Variants in ZNF614 observed in about 807,000 individuals in gnomAD.
ZNF614 encodes zinc finger protein 614.
A neutral mutation model predicts 12.8 loss-of-function variants in ZNF614; 11 were observed. The observed-to-expected ratio is 0.86, with a 90% CI of 0.54 to 1.43. ZNF614 has a LOEUF of 1.43. Ranked by LOEUF, ZNF614 falls within the 40% of genes most tolerant of loss-of-function variation. The pLI is 0.00. For missense variants in ZNF614, 664 were observed against 708.8 expected (o/e 0.94, Z 0.72); for synonymous variants, 237 against 237.5 (o/e 1.00, Z 0.02).
intron 1 of ZNF614, among the ~76,000 whole-genome samples, chr19:52,026,292 C>A (rs2086971922): frequency 6.6e-6 from 1 of 152,222 alleles, no homozygotes; most frequent in Non-Finnish European, 1.5e-5. Context: ...TTGTTCTGTA[C>A]TAAGAGAAAT....
intron 1 of ZNF614, among the ~76,000 whole-genome samples, chr19:52,027,448 A>T (rs2086982637): frequency 6.6e-6 from 1 of 152,200 alleles, no homozygotes; most frequent in Non-Finnish European, 1.5e-5. Context: ...TGCTTGATAA[A>T]ACTGTCTTTG....
intron 2 of ZNF614, among the ~76,000 whole-genome samples, chr19:52,025,297 T>C (rs769641601): frequency 2.0e-5 from 3 of 152,074 alleles, no homozygotes. Context: ...CAACAAAGCA[T>C]GGATTCTTTC....
intron 1 of ZNF614, among the ~76,000 whole-genome samples, chr19:52,027,039 T>G (rs2086980099): frequency 6.6e-6 from 1 of 152,214 alleles, no homozygotes; most frequent in East Asian, 1.9e-4. Context: ...GCGTGGGTCC[T>G]CCGTATGCTG....
In ZNF614 at chr19:52,015,888, T is replaced by G. The variant is rs1426115670; in HGVS notation, c.1710A>C (p.Gln570His). 3 of 1,614,112 alleles carry G rather than the reference T, an allele frequency of 1.9e-6. No homozygotes were observed. Among genetic ancestry groups the G allele is most frequent in the Non-Finnish European group, 2.5e-6 (3 of 1,179,974 alleles). The change falls in exon 5 of 5, where the codon CAA (glutamine) becomes CAC (histidine). Residue 570 changes from glutamine (Q) to histidine (H), a missense_variant. Transcript: ENST00000270649. ...ACTCTCCATTACAGGAGTTTTCAAC[T>G]TGACTGATTCTACCCATTTCTCTTG... Reference protein sequence around the residue: ...MHTREMGRISQVENSCNGESQ... With the variant: ...MHTREMGRISHVENSCNGESQ...
At chr19:52,018,174 C>T (rs551537782) in intron 3 of ZNF614, 71 bp from the exon 4 acceptor site, 1 of 1,479,500 alleles carries the variant, frequency 6.8e-7, no homozygotes, top group Non-Finnish European at 9.4e-7. Flanking sequence ...AAAAATAATA[C>T]ATTCGATGAA....
At chr19:52,028,117 G>A (rs1051941528) in intron 1 of ZNF614, 125 bp downstream of exon 1, 4 of 152,482 alleles carry the variant, frequency 2.6e-5, no homozygotes, top group Admixed American at 2.6e-4. Context: ...TACAGCCAAA[G>A]GACCCGTCAT....
rs1204576927 is a variant in ZNF614 at position 52,017,172 on chromosome 19, A to C, written c.426T>G (p.Ser142Arg). ...CATGTCTTCTCTTCTGGTTGATTAAACTTAAACTTGATTTCAAATTTTTTC... is the reference window on the plus strand; with the variant it reads ...CATGTCTTCTCTTCTGGTTGATTAACCTTAAACTTGATTTCAAATTTTTTC... ...LYRKNLKSSL[S>R]LINQKRRHGI... The change falls in exon 5 of 5, where the codon AGT (serine) becomes AGG (arginine). Residue 142 changes from serine (S) to arginine (R), a missense_variant. By Grantham distance (110) the Ser-to-Arg change is moderately radical (BLOSUM62 -1). Transcript: ENST00000270649. 5 of 1,614,074 alleles carry C rather than the reference A, an allele frequency of 3.1e-6. No individual in the cohort carries two copies. Among genetic ancestry groups the C allele is most frequent in the Admixed American group, 3.3e-5 (2 of 60,008 alleles).
rs764943767 is a variant in ZNF614 at position 52,015,920 on chromosome 19, T to C, written c.1678A>G (p.Met560Val). The change falls in exon 5 of 5, where the codon ATG becomes GTG. Residue 560 changes from methionine to valine, a missense_variant. Coordinates refer to ENST00000270649, the MANE Select transcript of ZNF614 (RefSeq NM_025040.4). ...ATTCTACCCATTTCTCTTGTGTGCATTTTCTTATGTTTGACAAGGTTTGAT... is the reference window on the plus strand; with the variant it reads ...ATTCTACCCATTTCTCTTGTGTGCACTTTCTTATGTTTGACAAGGTTTGAT... The part of the protein sequence containing the change: ...HLSNLVKHKK[M>V]HTREMGRISQ... 8.5e-5 allele frequency: 137 copies of C among 1,614,086 alleles called. No homozygotes were observed. The highest frequency in any genetic ancestry group is 1.1e-4 in the Non-Finnish European group (134 of 1,180,026).
At position 52,016,614 on chromosome 19, in the gene ZNF614, G is replaced by A; in HGVS notation, c.984C>T (p.Ser328=). The A allele has an allele frequency of 6.2e-7, 1 of 1,614,166 alleles. No individual in the cohort carries two copies. Among genetic ancestry groups the A allele is most frequent in the Non-Finnish European group, 8.5e-7 (1 of 1,180,030 alleles). The change falls in exon 5 of 5, where the codon AGC becomes AGT. Residue 328 remains serine (S), a synonymous_variant. Coordinates refer to ENST00000270649, the MANE Select transcript of ZNF614 (RefSeq NM_025040.4). ...KECGKGFTVK[S]NLIVHQRTHT... is the part of the protein sequence containing the mutation. ...GAGTTCGCTGATGTACAATGAGATT[G>A]CTCTTCACAGTGAAACCTTTTCCAC...
chr19:52,022,762 G>A (rs974481593), intron 2 of ZNF614, among the ~76,000 whole-genome samples: 2 of 151,972 alleles, frequency 1.3e-5, no homozygotes, highest in Non-Finnish European at 2.9e-5. Flanking sequence ...TTTACCTATG[G>A]TACCTAGTTA....
intron 2 of ZNF614, among the ~76,000 whole-genome samples, chr19:52,022,487 T>G (rs568135804): frequency 6.6e-6 from 1 of 152,148 alleles, no homozygotes; most frequent in African/African-American, 2.4e-5. Flanking sequence ...ACCCTCCAAG[T>G]GTGAAGTGAC....
In ZNF614 at chr19:52,016,524, A is replaced by G; in HGVS notation, c.1074T>C (p.Leu358=). The G allele has an allele frequency of 6.2e-7, 1 of 1,612,984 alleles. No individual in the cohort carries two copies. Among genetic ancestry groups the G allele is most frequent in the Non-Finnish European group, 8.5e-7 (1 of 1,179,662 alleles). ...CAGTATGAGTTCGCTGATGTACAAC[A>G]AGATAGCGCTTCATGGTGAAGCCTT... is the stretch of plus-strand genomic sequence containing the variant. ...CGKGFTMKRY[L]VVHQRTHTGE... Residue 358 remains leucine, a synonymous_variant, in exon 5 of 5, where the codon CTT becomes CTC. Coordinates refer to ENST00000270649, the MANE Select transcript of ZNF614 (RefSeq NM_025040.4).
rs143492111 is a variant in ZNF614 at position 52,025,695 on chromosome 19, C to T, written c.15+36G>A. 3.2e-5 allele frequency: 52 copies of T among 1,612,758 alleles called. No individual in the cohort carries two copies. The African/African-American group carries it at 5.7e-4, about 18-fold the overall frequency. On this transcript the variant is annotated intron_variant, in intron 2 of 4. Transcript: ENST00000270649. Reference sequence around the variant, plus strand: ...AGTTCAACTGACTTCTTCAGGCCACCATAAATCTATCAAAAAATCAAAGGG... The same window carrying T: ...AGTTCAACTGACTTCTTCAGGCCACTATAAATCTATCAAAAAATCAAAGGG...
Position 52,016,175 on chromosome 19 carries a change from T to C in ZNF614, c.1423A>G (p.Arg475Gly). 1 of 1,614,224 alleles carries C rather than the reference T, an allele frequency of 6.2e-7. No homozygotes were observed. The highest frequency in any genetic ancestry group is 8.5e-7 in the Non-Finnish European group (1 of 1,180,050). ...AAGGGAGTCTTTCCTGTATGACATC[T>C]CTCATGTTGTATGAGGCATATTTTC... ...SQKICLIQHERCHTGKTPFVC... is the reference protein window; with the variant it reads ...SQKICLIQHEGCHTGKTPFVC... Residue 475 changes from arginine to glycine, a missense_variant, in exon 5 of 5, where the codon AGA becomes GGA. Transcript: ENST00000270649.
At position 52,016,565 on chromosome 19, in the gene ZNF614, A is replaced by G; in HGVS notation, c.1033T>C (p.Cys345Arg). 2 of 1,614,142 alleles carry G rather than the reference A, an allele frequency of 1.2e-6. No homozygotes were observed. Among genetic ancestry groups the G allele is most frequent in the Non-Finnish European group, 1.7e-6 (2 of 1,179,972 alleles). ...RTHTGEKPYI[C>R]SECGKGFTMK... ...GTGAAGCCTTTTCCACATTCACTGC[A>G]TATATAGGGTTTCTCCCCTGTATGA... is the stretch of plus-strand genomic sequence containing the variant. The change falls in exon 5 of 5, where the codon TGC (cysteine) becomes CGC (arginine). Residue 345 changes from cysteine to arginine, a missense_variant. Transcript: ENST00000270649.
rs1275002115 is a variant in ZNF614 at position 52,016,418 on chromosome 19, T to C, written c.1180A>G (p.Thr394Ala). 6 of 1,614,092 alleles carry C rather than the reference T, an allele frequency of 3.7e-6. No homozygotes were observed. Among genetic ancestry groups the C allele is most frequent in the African/African-American group, 2.7e-5 (2 of 74,934 alleles). ...SNLIVHQRSH[T>A]GEKSYICSEC... ...CTGCATATGTAAGATTTTTCTCCTG[T>C]GTGGGAGCGCTGATGTACAATGAGA... Residue 394 changes from threonine (T) to alanine (A), a missense_variant, in exon 5 of 5, where the codon ACA becomes GCA. Thr to Ala is a moderately conservative substitution (Grantham distance 58). Coordinates refer to ENST00000270649, the MANE Select transcript of ZNF614 (RefSeq NM_025040.4).
intron 2 of ZNF614, among the ~76,000 whole-genome samples, chr19:52,023,003 C>T (rs1224226029): frequency 6.7e-6 from 1 of 149,440 alleles, no homozygotes; most frequent in African/African-American, 2.5e-5. Context: ...TGGCATGAAT[C>T]CGGAGGCGGA....
At chr19:52,018,623 G>A in intron 2 of ZNF614, 129 bp from the exon 3 acceptor site, 1 of 960,020 alleles carries the variant, frequency 1.0e-6, no homozygotes, top group Non-Finnish European at 1.5e-6. Flanking sequence ...TACTTTGGTA[G>A]GAGCAAAATC....
At chr19:52,020,994 A>C (rs1045341676) in intron 2 of ZNF614, among the ~76,000 whole-genome samples, 1 of 152,238 alleles carries the variant, frequency 6.6e-6, no homozygotes, top group Non-Finnish European at 1.5e-5. Context: ...GAATACAGCA[A>C]AAGTGACAAG....
Sources: gnomAD v4.1 joint callset for allele counts (sites outside exome capture counted in the v4.1 genomes callset) on GRCh38, gnomAD v4.1.1 for gene constraint, MANE v1.5 for transcripts, NCBI Gene and HGNC (gene_info 2026-07-23, HGNC 2026-07-21) for gene names.